ZNF687: variants seen among roughly 807,000 people sequenced by gnomAD.
ZNF687 encodes the protein zinc finger protein 687.
Under a neutral mutation model 71.8 loss-of-function variants are expected in ZNF687, and 13 were observed. The ratio of observed to expected loss-of-function variants is 0.18; its 90% CI spans 0.12 to 0.29. The LOEUF (loss-of-function observed/expected upper bound fraction) is 0.29. Ranked by LOEUF, ZNF687 falls within the 10% of genes least tolerant of loss-of-function variation. The pLI is 1.00. For synonymous variants in ZNF687, 673 were observed against 641.6 expected (o/e 1.05, Z -0.74); for missense variants, 1,412 against 1,625.6 (o/e 0.87, Z 2.26).
At position 151,291,323 on chromosome 1, in the gene ZNF687, GTC is replaced by G; in HGVS notation, c.*119_*120del. ...TAACATTAATATTTTGTTAATTCCTGTCTCTCCAACCTGAAGAAGAAGAGCAT... is the reference window on the plus strand; with the variant it reads ...TAACATTAATATTTTGTTAATTCCTGTCTCCAACCTGAAGAAGAAGAGCAT... On this transcript the variant is annotated 3_prime_UTR_variant, in exon 9 of 9. Coordinates refer to ENST00000336715, the MANE Select transcript of ZNF687 (RefSeq NM_020832.3). The G allele has an allele frequency of 1.5e-6, 2 of 1,311,120 alleles. No homozygotes were observed. The highest frequency in any genetic ancestry group is 1.5e-5 in the South Asian group (1 of 66,616). The allele number at this position is 1,311,120 out of a possible 1,614,324, so 81.2% of individuals were successfully genotyped here. A position where few individuals can be genotyped will look rare whatever the true frequency, so the allele number is the denominator to read the frequency against.
intron 7 of ZNF687, 84 bp downstream of exon 7, chr1:151,290,318 C>CT (rs1416675292): frequency 3.7e-6 from 6 of 1,608,168 alleles, no homozygotes; most frequent in South Asian, 3.3e-5. Flanking sequence ...TGCGACGTGT[C>CT]TAAGTGGCCT....
Position 151,287,615 on chromosome 1 carries a change from C to T in ZNF687, c.1324C>T (p.Leu442=). ...CCCTAAGATGATTGCTAAGAACGTG[C>T]TAGGCCTGGTGCCCCAAGCCCTGCC... The part of the protein sequence containing the change: ...TSPKMIAKNV[L]GLVPQALPKA... Residue 442 remains leucine, a synonymous_variant, in exon 2 of 9, where the codon CTA becomes TTA. Transcript: ENST00000336715. This position sits in a 1 kb window ranked among gnomAD's most constrained non-coding sequence, Gnocchi z 5.0. 1 of 1,613,318 alleles carries T rather than the reference C, an allele frequency of 6.2e-7. No homozygotes were observed.
In ZNF687 at chr1:151,289,962, T is replaced by C. The variant is rs1694137144; in HGVS notation, c.2919T>C (p.Pro973=). 6.4e-7 allele frequency: 1 copy of C among 1,572,780 alleles called. No individual in the cohort carries two copies. The highest frequency in any genetic ancestry group is 8.6e-7 in the Non-Finnish European group (1 of 1,156,946). The change falls in exon 6 of 9, where the codon CCT becomes CCC. Residue 973 remains proline, a synonymous_variant. Coordinates refer to ENST00000336715, the MANE Select transcript of ZNF687 (RefSeq NM_020832.3). ...GTGGCCTGTGTCACTCCTGGTTCCC[T>C]GAGCGTGATGAATACGTGGCCCACA... The part of the protein sequence containing the change: ...WTCGLCHSWF[P]ERDEYVAHMK...
Position 151,290,846 on chromosome 1 carries a change from C to T in ZNF687, c.3351C>T (p.Ser1117=), listed in dbSNP as rs146187071. The T allele has an allele frequency of 8.1e-6, 13 of 1,613,938 alleles. No homozygotes were observed. Among genetic ancestry groups the T allele is most frequent in the South Asian group, 1.1e-5 (1 of 91,092 alleles). Residue 1117 remains serine (S), a synonymous_variant, in exon 9 of 9, where the codon AGC becomes AGT. Coordinates refer to ENST00000336715, the MANE Select transcript of ZNF687 (RefSeq NM_020832.3). ...ATGGCCCTCTGCGCTACCGGAGCAG[C>T]AGCTCCACAGAACAGAGCCTCATGA... ...GGHGPLRYRS[S]SSTEQSLMMG... is the part of the protein sequence containing the mutation.
In ZNF687 at chr1:151,290,592, T is replaced by G. The variant is rs751849447; in HGVS notation, c.3219+19T>G. 2 of 1,608,730 alleles carry G rather than the reference T, an allele frequency of 1.2e-6. No homozygotes were observed. The highest frequency in any genetic ancestry group is 2.7e-5 in the African/African-American group (2 of 74,804). On this transcript the variant is annotated intron_variant, in intron 8 of 8. Coordinates refer to ENST00000336715, the MANE Select transcript of ZNF687 (RefSeq NM_020832.3). ...AGCCCAGGTAGGCAGAGGCCCGGCC[T>G]GCTGTGCTAGGGCTTTGAGTGGGAA...
rs773093617 is a variant in ZNF687, at chr1:151,287,747, G to T, written c.1456G>T (p.Gly486Cys). The T allele has an allele frequency of 6.2e-7, 1 of 1,613,984 alleles. No homozygotes were observed. The highest frequency in any genetic ancestry group is 1.3e-5 in the African/African-American group (1 of 74,930). The change falls in exon 2 of 9, where the codon GGC becomes TGC. Residue 486 changes from glycine to cysteine, a missense_variant. Gly to Cys is a radical substitution (Grantham distance 159). Coordinates refer to ENST00000336715, the MANE Select transcript of ZNF687 (RefSeq NM_020832.3). This position sits in a 1 kb window ranked among gnomAD's most constrained non-coding sequence, Gnocchi z 5.0. ...SKTATGPSTG[G>C]GTVISRTQSS... is the part of the protein sequence containing the mutation. ...GACAGCTACTGGGCCAAGTACAGGG[G>T]GCGGCACAGTGATATCACGGACCCA... is the stretch of plus-strand genomic sequence containing the variant.
chr1:151,285,129 C>G (rs771270850), intron 1 of ZNF687: 1 of 152,192 alleles, frequency 6.6e-6, no homozygotes, highest in Non-Finnish European at 1.5e-5. Flanking sequence ...CTTGCTTGTA[C>G]TGCACGCCCC....
Position 151,287,998 on chromosome 1 carries a change from C to T in ZNF687, c.1707C>T (p.Arg569=), listed in dbSNP as rs201170717. The change falls in exon 2 of 9, where the codon CGC becomes CGT. Residue 569 remains arginine, a synonymous_variant. Coordinates refer to ENST00000336715, the MANE Select transcript of ZNF687 (RefSeq NM_020832.3). This position sits in a 1 kb window ranked among gnomAD's most constrained non-coding sequence, Gnocchi z 5.0. ...TCACCTGCAACCACTGCGCCCGCCGCCTGGTCTTCTTCAACAAGTGCAGCC... is the reference window on the plus strand; with the variant it reads ...TCACCTGCAACCACTGCGCCCGCCGTCTGGTCTTCTTCAACAAGTGCAGCC... ...IEVTCNHCAR[R]LVFFNKCSLL... 3 of 1,614,048 alleles carry T rather than the reference C, an allele frequency of 1.9e-6. No homozygotes were observed. The highest frequency in any genetic ancestry group is 1.3e-5 in the African/African-American group (1 of 75,060).
chr1:151,283,301 C>G lies in ZNF687; in HGVS notation c.-18+906C>G, dbSNP rs1693804660. On this transcript the variant is annotated intron_variant, in intron 1 of 8. Transcript: ENST00000336715. ...CCCTCGCCCTCCTCTGCGCTGCAGG[C>G]CTTGGGCCCGGGCAAAGGTCAGTGG... 5.1e-6 allele frequency: 5 copies of G among 985,372 alleles called. No homozygotes were observed. The South Asian group carries it at 2.3e-4, about 46-fold the overall frequency. 61.0% of individuals were successfully genotyped at this position (985,372 alleles called of 1,614,324 possible).
At position 151,287,004 on chromosome 1, in the gene ZNF687, G is replaced by A. The variant is rs750796595; in HGVS notation, c.713G>A (p.Gly238Asp). 3 of 1,602,330 alleles carry A rather than the reference G, an allele frequency of 1.9e-6. No individual in the cohort carries two copies. The highest frequency in any genetic ancestry group is 2.6e-6 in the Non-Finnish European group (3 of 1,172,602). The change falls in exon 2 of 9, where the codon GGC becomes GAC. Residue 238 changes from glycine (G) to aspartate (D), a missense_variant. Gly to Asp is a moderately conservative substitution (Grantham distance 94, BLOSUM62 -1). Coordinates refer to ENST00000336715, the MANE Select transcript of ZNF687 (RefSeq NM_020832.3). This position sits in a 1 kb window ranked among gnomAD's most constrained non-coding sequence, Gnocchi z 5.0. ...PHHPQVLAQQ[G>D]SGSSPKATDI... ...CATCCCCAGGTCCTAGCCCAACAAG[G>A]CTCAGGCTCCAGCCCTAAGGCCACG...
In ZNF687 at chr1:151,287,615, C is replaced by A. The variant is rs1472688668; in HGVS notation, c.1324C>A (p.Leu442Ile). 5.6e-6 allele frequency: 9 copies of A among 1,613,318 alleles called. No individual in the cohort carries two copies. The highest frequency in any genetic ancestry group is 7.6e-6 in the Non-Finnish European group (9 of 1,179,604). ...TSPKMIAKNV[L>I]GLVPQALPKA... ...CCCTAAGATGATTGCTAAGAACGTG[C>A]TAGGCCTGGTGCCCCAAGCCCTGCC... Residue 442 changes from leucine (L) to isoleucine (I), a missense_variant, in exon 2 of 9, where the codon CTA (leucine) becomes ATA (isoleucine). Transcript: ENST00000336715. This position sits in a 1 kb window ranked among gnomAD's most constrained non-coding sequence, Gnocchi z 5.0.
In ZNF687 at chr1:151,282,350, C is replaced by A. The variant is rs1447319062; in HGVS notation, c.-63C>A. Reference sequence around the variant, plus strand: ...GCGGCGGTGGCTGCAGCGGCTGGAGCGGGGTAGAGACCGCCGGGTCTCGGC... The same window carrying A: ...GCGGCGGTGGCTGCAGCGGCTGGAGAGGGGTAGAGACCGCCGGGTCTCGGC... On this transcript the variant is annotated 5_prime_UTR_variant, in exon 1 of 9. Transcript: ENST00000336715. 7 of 998,594 alleles carry A rather than the reference C, an allele frequency of 7.0e-6. No individual in the cohort carries two copies. The highest frequency in any genetic ancestry group is 8.4e-6 in the Non-Finnish European group (7 of 836,038). 61.9% of individuals were successfully genotyped at this position (998,594 alleles called of 1,614,324 possible).
chr1:151,285,473 G>T (rs1179622550), intron 1 of ZNF687: 1 of 151,954 alleles, frequency 6.6e-6, no homozygotes, highest in East Asian at 1.9e-4. Context: ...GAGTGCAGTG[G>T]CACGATCTCA....
chr1:151,286,384 A>G lies in ZNF687; in HGVS notation c.93A>G (p.Pro31=). ...CGAATGAAGCCATCCATTCTGGGCC[A>G]GAAGAAAATGAGGGGCCTGGAGGCC... is the stretch of plus-strand genomic sequence containing the variant. ...IDANEAIHSG[P]EENEGPGGPG... is the part of the protein sequence containing the mutation. Residue 31 remains proline, a synonymous_variant, in exon 2 of 9, where the codon CCA becomes CCG. Transcript: ENST00000336715. 6.2e-7 allele frequency: 1 copy of G among 1,612,368 alleles called. No individual in the cohort carries two copies. The highest frequency in any genetic ancestry group is 8.5e-7 in the Non-Finnish European group (1 of 1,179,552).
intron 2 of ZNF687, 26 bp downstream of exon 2, chr1:151,288,432 G>A (rs752690888): frequency 1.3e-6 from 2 of 1,594,900 alleles, no homozygotes; most frequent in Non-Finnish European, 1.7e-6. Flanking sequence ...CAGCCCTTCT[G>A]TGGGGACAGG....
Position 151,290,136 on chromosome 1 carries a change from C to T in ZNF687, c.2979C>T (p.Phe993=), listed in dbSNP as rs2101884268. The change falls in exon 7 of 9, where the codon TTC becomes TTT. Residue 993 remains phenylalanine (F), a synonymous_variant. Coordinates refer to ENST00000336715, the MANE Select transcript of ZNF687 (RefSeq NM_020832.3). ...KKEHGKSVKK[F]PCRLCERSFC... ...TGCTCTCCTAGTCAGTGAAAAAGTT[C>T]CCCTGTCGCCTGTGTGAGCGCTCCT... 1.2e-6 allele frequency: 2 copies of T among 1,614,020 alleles called. No homozygotes were observed. Among genetic ancestry groups the T allele is most frequent in the Admixed American group, 3.3e-5 (2 of 60,026 alleles).
Position 151,288,242 on chromosome 1 carries a change from G to C in ZNF687, c.1951G>C (p.Glu651Gln), listed in dbSNP as rs767648712. 52 of 1,613,446 alleles carry C rather than the reference G, an allele frequency of 3.2e-5. 1 individual carries two copies. The highest frequency in any genetic ancestry group is 4.3e-5 in the Non-Finnish European group (51 of 1,179,984). The stretch of plus-strand genomic sequence containing the variant: ...CTCTGCCATTACTACAGTTGCTGCT[G>C]AGGCCCCTGTCCTGCCGCTCTCCAC... ...TSSAITTVAA[E>Q]APVLPLSTEP... Residue 651 changes from glutamate to glutamine, a missense_variant, in exon 2 of 9, where the codon GAG (glutamate) becomes CAG (glutamine). By Grantham distance (29) the Glu-to-Gln change is conservative (BLOSUM62 2). Coordinates refer to ENST00000336715, the MANE Select transcript of ZNF687 (RefSeq NM_020832.3).
chr1:151,289,892 G>A lies in ZNF687; in HGVS notation c.2849G>A (p.Ser950Asn), dbSNP rs747106148. The A allele has an allele frequency of 1.9e-6, 3 of 1,560,922 alleles. No individual in the cohort carries two copies. The highest frequency in any genetic ancestry group is 2.6e-6 in the Non-Finnish European group (3 of 1,151,500). The change falls in exon 6 of 9, where the codon AGC becomes AAC. Residue 950 changes from serine to asparagine, a missense_variant. Coordinates refer to ENST00000336715, the MANE Select transcript of ZNF687 (RefSeq NM_020832.3). ...AAACGGCCTCGGCGGGAACTAGGGA[G>A]CAAAGGCCTCAAGGGTGGGGGTGGG... ...PAKRPRRELG[S>N]KGLKGGGGGP...
chr1:151,291,277 C>G lies in ZNF687; in HGVS notation c.*68C>G, dbSNP rs1347557160. ...TGGTTTTCCCTACTGCTGCCTGATC[C>G]CTCGGCTGGGGAGTTTTCATTAACA... On this transcript the variant is annotated 3_prime_UTR_variant, in exon 9 of 9. Transcript: ENST00000336715. 7 of 1,516,216 alleles carry G rather than the reference C, an allele frequency of 4.6e-6. No individual in the cohort carries two copies. The highest frequency in any genetic ancestry group is 5.3e-6 in the Non-Finnish European group (6 of 1,131,550). The allele number at this position is 1,516,216 out of a possible 1,614,324, so 93.9% of individuals were successfully genotyped here. A position where few individuals can be genotyped will look rare whatever the true frequency, so the allele number is the denominator to read the frequency against.
Sources: gnomAD v4.1 joint callset for allele counts on GRCh38, gnomAD v4.1.1 for gene constraint, Gnocchi (gnomAD v3.1) non-coding constraint, MANE v1.5 for transcripts, NCBI Gene and HGNC (gene_info 2026-07-23, HGNC 2026-07-21) for gene names.